Variants in RNFT2 observed in about 807,000 individuals in gnomAD.
The protein encoded by RNFT2 is ring finger protein, transmembrane 2.
Under a neutral mutation model 53.0 loss-of-function variants are expected in RNFT2, and 36 were observed. That is an observed-to-expected ratio of 0.68 (90% CI 0.52 to 0.90). RNFT2 has a LOEUF of 0.90. Among genes scored for constraint, RNFT2 ranks in the 40% least tolerant of loss-of-function variants. RNFT2 has a pLI of 0.00. For synonymous variants in RNFT2, 260 were observed against 253.2 expected, an observed-to-expected ratio of 1.03 and a Z score of -0.26; for missense variants, 514 against 585.6, an observed-to-expected ratio of 0.88 and a Z score of 1.26.
At chr12:116,780,862 A>G (rs568283191) in intron 7 of RNFT2, among the ~76,000 whole-genome samples, 2 of 152,204 alleles carry the variant, frequency 1.3e-5, no homozygotes, top group South Asian at 2.1e-4. Context: ...CCTGATGGCT[A>G]TGCCCATGGA....
intron 6 of RNFT2, among the ~76,000 whole-genome samples, chr12:116,776,981 G>T (rs950358439): frequency 7.0e-6 from 1 of 143,036 alleles, no homozygotes; most frequent in Non-Finnish European, 1.5e-5. Context: ...ACAGTGGCAC[G>T]ATCTCGGCTC....
intron 7 of RNFT2, among the ~76,000 whole-genome samples, chr12:116,832,144 A>ATATATATATATAT (rs1414365866): frequency 1.1e-3 from 57 of 52,208 alleles, no homozygotes; most frequent in South Asian, 4.0e-3. Context: ...AAAAAAAAAA[A>ATATATATATATAT]AAAAATATAT....
chr12:116,811,990 C>G (rs1464640404), intron 7 of RNFT2, among the ~76,000 whole-genome samples: 6 of 152,196 alleles, frequency 3.9e-5, no homozygotes, highest in Admixed American at 2.0e-4. Flanking sequence ...TTCACCGGGT[C>G]AAACTCTGAT....
chr12:116,817,477 C>T (rs1406502021), intron 7 of RNFT2, among the ~76,000 whole-genome samples: 1 of 152,174 alleles, frequency 6.6e-6, no homozygotes, highest in Non-Finnish European at 1.5e-5. Context: ...CGTCTTCTTC[C>T]TTGCTGTTAT....
At position 116,751,528 on chromosome 12, in the gene RNFT2, C is replaced by T. The variant is rs1033152587; in HGVS notation, c.550+1221C>T. Among the ~76,000 whole-genome samples the T allele has an allele frequency of 3.3e-5, 5 of 151,624 alleles. No homozygotes were observed. The South Asian group carries it at 8.3e-4, about 25-fold the overall frequency. On this transcript the variant is annotated intron_variant, in intron 4 of 10. Coordinates refer to ENST00000257575, the MANE Select transcript of RNFT2 (RefSeq NM_001382266.1). ...AAGCAATTCTCCTGCCTCAGCCTCCCGAGTGACTGGGATTACAGGCAACCG... is the reference window on the plus strand; with the variant it reads ...AAGCAATTCTCCTGCCTCAGCCTCCTGAGTGACTGGGATTACAGGCAACCG...
chr12:116,819,739 T>G (rs79296690), intron 7 of RNFT2, among the ~76,000 whole-genome samples: 7,058 of 152,244 alleles, frequency 0.046, 358 homozygotes, highest in East Asian at 0.14. Flanking sequence ...CCTTTTTTCC[T>G]TTTTCTTTTG....
At chr12:116,739,726 G>A (rs976941482) in intron 1 of RNFT2, among the ~76,000 whole-genome samples, 4 of 152,210 alleles carry the variant, frequency 2.6e-5, no homozygotes, top group African/African-American at 9.6e-5. Flanking sequence ...GTGGGAAAAG[G>A]GAGAATGGGA....
At chr12:116,777,042 C>T (rs542439833) in intron 6 of RNFT2, among the ~76,000 whole-genome samples, 4 of 150,780 alleles carry the variant, frequency 2.7e-5, no homozygotes, top group South Asian at 2.1e-4. Context: ...CTCAGCCTTC[C>T]GAGTCGCTAA....
At chr12:116,758,467 T>C (rs1872583935) in intron 5 of RNFT2, among the ~76,000 whole-genome samples, 1 of 152,204 alleles carries the variant, frequency 6.6e-6, no homozygotes, top group African/African-American at 2.4e-5. Flanking sequence ...AGAGGGTCTG[T>C]TGTGATGTGT....
At chr12:116,782,929 A>G (rs1873778472) in intron 7 of RNFT2, among the ~76,000 whole-genome samples, 1 of 152,074 alleles carries the variant, frequency 6.6e-6, no homozygotes, top group South Asian at 2.1e-4. Context: ...TAAACTCTTC[A>G]GTTACCTGAT....
intron 3 of RNFT2, among the ~76,000 whole-genome samples, chr12:116,743,668 A>C (rs1017521695): frequency 1.3e-5 from 2 of 152,136 alleles, no homozygotes; most frequent in Non-Finnish European, 2.9e-5. Flanking sequence ...TAGCACATAC[A>C]TCCAAGGGGC....
chr12:116,827,064 C>G (rs969731976), intron 7 of RNFT2, among the ~76,000 whole-genome samples: 28 of 151,478 alleles, frequency 1.8e-4, no homozygotes, highest in African/African-American at 6.8e-4. Context: ...TACTAAAATA[C>G]AAAAAATTAG....
At chr12:116,816,638 C>T (rs1450850778) in intron 7 of RNFT2, among the ~76,000 whole-genome samples, 1 of 152,206 alleles carries the variant, frequency 6.6e-6, no homozygotes, top group Non-Finnish European at 1.5e-5. Flanking sequence ...AATCCCACCT[C>T]TGCTACATCT....
At chr12:116,754,136 A>G (rs1872385183) in intron 5 of RNFT2, 76 bp downstream of exon 5, 43 of 1,188,546 alleles carry the variant, frequency 3.6e-5, no homozygotes, top group Non-Finnish European at 5.0e-5. Flanking sequence ...TCTTCCCGGC[A>G]AGTCTCCAGA....
At chr12:116,775,282 G>A (rs201179586) in intron 6 of RNFT2, among the ~76,000 whole-genome samples, 1 of 134,078 alleles carries the variant, frequency 7.5e-6, no homozygotes, top group Non-Finnish European at 1.5e-5. Flanking sequence ...AAAAAAAAGA[G>A]AGAGAGAAGA....
intron 7 of RNFT2, among the ~76,000 whole-genome samples, chr12:116,798,531 T>C (rs1292563240): frequency 6.6e-6 from 1 of 152,166 alleles, no homozygotes; most frequent in Non-Finnish European, 1.5e-5. Flanking sequence ...ATCTGTAAAA[T>C]GGGATCATAA....
At chr12:116,743,150 A>G (rs902944304) in intron 3 of RNFT2, among the ~76,000 whole-genome samples, 39 of 144,438 alleles carry the variant, frequency 2.7e-4, no homozygotes, top group African/African-American at 9.9e-4. Flanking sequence ...CTGGATCACA[A>G]GGACATGTAA....
At chr12:116,814,622 C>G (rs192958496) in intron 7 of RNFT2, among the ~76,000 whole-genome samples, 1 of 151,980 alleles carries the variant, frequency 6.6e-6, no homozygotes, top group Non-Finnish European at 1.5e-5. Context: ...CATGGGCAAG[C>G]ACCCTTTGCA....
At chr12:116,785,249 CTGTGTGTG>C (rs56185708) in intron 7 of RNFT2, among the ~76,000 whole-genome samples, 4 of 139,082 alleles carry the variant, frequency 2.9e-5, no homozygotes, top group Non-Finnish European at 4.6e-5. Context: ...TTACCTACTT[CTGTGTGTG>C]TGTGTGTGTG....
Sources: allele counts gnomAD v4.1 joint callset (sites outside exome capture counted in the v4.1 genomes callset), GRCh38; gene constraint gnomAD v4.1.1; transcripts MANE v1.5; gene names NCBI Gene and HGNC (gene_info 2026-07-23, HGNC 2026-07-21).